The following ZNF813 variants were observed in gnomAD, a reference collection of about 807,000 sequenced individuals.
ZNF813 encodes zinc finger protein 813.
ZNF813 carries 3 observed loss-of-function variants against 7.2 expected under a neutral mutation model. The observed-to-expected ratio is 0.42, with a 90% confidence interval of 0.19 to 1.08. The LOEUF is 1.08. ZNF813 is among the 50% of genes least tolerant of loss of function. ZNF813 has a pLI of 0.30. For missense variants in ZNF813, 714 were observed against 753.3 expected (o/e 0.95, Z 0.61); for synonymous variants, 227 against 256.3 (o/e 0.89, Z 1.09).
chr19:53,492,915 ACCT>A lies in ZNF813; in HGVS notation c.*833_*835del, dbSNP rs1174383645. ...GGCAAAGCCTTTACTTCACGTTCAC[ACCT>A]CCTTAGACATCAGAGAATGCACACT... On this transcript the variant is annotated 3_prime_UTR_variant, in exon 4 of 4. Coordinates refer to ENST00000396403, the MANE Select transcript of ZNF813 (RefSeq NM_001004301.4). 2.1e-6 allele frequency: 1 copy of A among 482,874 alleles called. No individual in the cohort carries two copies. The highest frequency in any genetic ancestry group is 4.2e-6 in the Non-Finnish European group (1 of 235,314). 29.9% of individuals were successfully genotyped at this position (482,874 alleles called of 1,614,324 possible).
Position 53,479,758 on chromosome 19 carries a change from A to G in ZNF813, c.-73-3992A>G. 4 of 1,298,094 alleles carry G rather than the reference A, an allele frequency of 3.1e-6. No individual in the cohort carries two copies. The Admixed American group carries it at 6.7e-5, about 22-fold the overall frequency. 80.4% of individuals were successfully genotyped at this position (1,298,094 alleles called of 1,614,324 possible). On this transcript the variant is annotated intron_variant, in intron 1 of 3. Transcript: ENST00000396403. ...CTCGTAAGTTGGTGATCATTGAAAG[A>G]GACATGGAATGCACAGAAGAATGAG...
chr19:53,484,067 C>T (rs1406684032), intron 2 of ZNF813, among the ~76,000 whole-genome samples: 1 of 152,036 alleles, frequency 6.6e-6, no homozygotes, highest in African/African-American at 2.4e-5. Flanking sequence ...AGGGCTCACA[C>T]CCAGACATGG....
Position 53,493,362 on chromosome 19 carries a change from A to T in ZNF813, c.*1276A>T, listed in dbSNP as rs1454302015. 6.5e-6 allele frequency: 1 copy of T among 153,388 alleles called. No individual in the cohort carries two copies. The highest frequency in any genetic ancestry group is 1.9e-4 in the East Asian group (1 of 5,220). The allele number at this position is 153,388 out of a possible 1,614,324, so 9.5% of individuals were successfully genotyped here. On this transcript the variant is annotated 3_prime_UTR_variant, in exon 4 of 4. Coordinates refer to ENST00000396403, the MANE Select transcript of ZNF813 (RefSeq NM_001004301.4). ...CCATCAATATGGGTTATATGTCTGT[A>T]TATGTTTTTAATCATATTGATGTAT...
intron 3 of ZNF813, among the ~76,000 whole-genome samples, chr19:53,489,975 T>C (rs1418769232): frequency 6.6e-6 from 1 of 152,234 alleles, no homozygotes; most frequent in Non-Finnish European, 1.5e-5. Flanking sequence ...TTTACCAATA[T>C]GGTATATCAT....
intron 1 of ZNF813, chr19:53,479,686 A>C: frequency 8.6e-7 from 1 of 1,165,752 alleles, no homozygotes; most frequent in Non-Finnish European, 1.3e-6. Context: ...AACTCAAAGA[A>C]GCTAAGCACA....
chr19:53,471,588 T>A (rs1194965685), intron 1 of ZNF813, among the ~76,000 whole-genome samples: 1 of 151,860 alleles, frequency 6.6e-6, no homozygotes, highest in Non-Finnish European at 1.5e-5. Flanking sequence ...TGCGGGTGGA[T>A]CACAAGGTCA....
chr19:53,491,070 TTCAG>T lies in ZNF813; in HGVS notation c.843_846del (p.Ser281ArgfsTer115). ...CAGGTGTAATGAGTGTGGCAAGACT[TTCAG>T]TCAGACGTATTCCCTTACATGCCAT... On this transcript the variant is annotated frameshift_variant, in exon 4 of 4. Transcript: ENST00000396403. LOFTEE classifies it low-confidence loss of function (END_TRUNC). 1.2e-6 allele frequency: 2 copies of T among 1,614,148 alleles called. No homozygotes were observed. Among genetic ancestry groups the T allele is most frequent in the Non-Finnish European group, 1.7e-6 (2 of 1,180,004 alleles).
At chr19:53,479,684 G>A in intron 1 of ZNF813, 1 of 1,163,320 alleles carries the variant, frequency 8.6e-7, no homozygotes, top group Non-Finnish European at 1.3e-6. Context: ...CCAACTCAAA[G>A]AAGCTAAGCA....
At position 53,490,356 on chromosome 19, in the gene ZNF813, T is replaced by C. The variant is rs2086453225; in HGVS notation, c.143-19T>C. ...CATCTGTACTGAACTGGAAACCTATTCGTGTTTATATTTTGTAGATATCTC... is the reference window on the plus strand; with the variant it reads ...CATCTGTACTGAACTGGAAACCTATCCGTGTTTATATTTTGTAGATATCTC... On this transcript the variant is annotated intron_variant, in intron 3 of 3. Coordinates refer to ENST00000396403, the MANE Select transcript of ZNF813 (RefSeq NM_001004301.4). The C allele has an allele frequency of 1.2e-6, 2 of 1,612,756 alleles. No homozygotes were observed. Among genetic ancestry groups the C allele is most frequent in the Non-Finnish European group, 1.7e-6 (2 of 1,179,436 alleles).
chr19:53,482,312 G>A (rs1421610430), intron 1 of ZNF813, among the ~76,000 whole-genome samples: 1 of 152,090 alleles, frequency 6.6e-6, no homozygotes, highest in Non-Finnish European at 1.5e-5. Flanking sequence ...AGCAGGTCAC[G>A]TCAGTCCCTG....
intron 1 of ZNF813, among the ~76,000 whole-genome samples, chr19:53,475,320 T>C (rs2086376969): frequency 6.6e-6 from 1 of 152,194 alleles, no homozygotes; most frequent in Non-Finnish European, 1.5e-5. Context: ...ATGTTACCAC[T>C]GCATACCCGG....
rs1416075560 is a variant in ZNF813 at position 53,493,676 on chromosome 19, T to G, written c.*1590T>G. 1 of 152,252 alleles carries G rather than the reference T, an allele frequency of 6.6e-6. No homozygotes were observed. Among genetic ancestry groups the G allele is most frequent in the Non-Finnish European group, 1.5e-5 (1 of 68,040 alleles). 9.4% of individuals were successfully genotyped at this position (152,252 alleles called of 1,614,324 possible). ...AGATACACTGAATCTGTTTATTACT[T>G]CCAGTAGTATTTTGGTTGAGTCTTT... On this transcript the variant is annotated 3_prime_UTR_variant, in exon 4 of 4. Coordinates refer to ENST00000396403, the MANE Select transcript of ZNF813 (RefSeq NM_001004301.4).
intron 1 of ZNF813, among the ~76,000 whole-genome samples, chr19:53,483,285 A>G (rs143595667): frequency 0.052 from 7,956 of 152,032 alleles, 255 homozygotes; most frequent in East Asian, 0.12. Context: ...AGCTCAAGCG[A>G]TCCTCACACC....
chr19:53,492,687 A>T lies in ZNF813; in HGVS notation c.*601A>T. The T allele has an allele frequency of 1.3e-6, 1 of 781,432 alleles. No homozygotes were observed. The highest frequency in any genetic ancestry group is 2.1e-6 in the Non-Finnish European group (1 of 485,874). 48.4% of individuals were successfully genotyped at this position (781,432 alleles called of 1,614,324 possible). ...TACAACCATTGCAAATCATTGGAGA[A>T]CCCATAAGGAAGAGAGATCATACAA... On this transcript the variant is annotated 3_prime_UTR_variant, in exon 4 of 4. Transcript: ENST00000396403.
intron 1 of ZNF813, among the ~76,000 whole-genome samples, chr19:53,479,074 A>C (rs781137465): frequency 9.2e-5 from 14 of 151,990 alleles, no homozygotes; most frequent in Non-Finnish European, 1.5e-4. Context: ...ACGTGGGACT[A>C]CAGGCCCACG....
At chr19:53,474,156 T>G (rs893967621) in intron 1 of ZNF813, among the ~76,000 whole-genome samples, 3 of 152,176 alleles carry the variant, frequency 2.0e-5, no homozygotes, top group African/African-American at 7.2e-5. Context: ...TCTGTCCTGG[T>G]GGGGAAAGCT....
At chr19:53,468,930 A>C (rs901640421) in intron 1 of ZNF813, among the ~76,000 whole-genome samples, 3 of 150,752 alleles carry the variant, frequency 2.0e-5, no homozygotes, top group African/African-American at 7.3e-5. Flanking sequence ...TGGGGGATGT[A>C]AGGTCTTTCC....
chr19:53,470,184 T>TA (rs2086351240), intron 1 of ZNF813, among the ~76,000 whole-genome samples: 1 of 65,476 alleles, frequency 1.5e-5, no homozygotes, highest in Non-Finnish European at 2.9e-5. Context: ...TTTCTTTCTT[T>TA]CTTTCACTCT....
chr19:53,484,720 C>A (rs1016333615), intron 2 of ZNF813, among the ~76,000 whole-genome samples: 23 of 152,216 alleles, frequency 1.5e-4, no homozygotes, highest in East Asian at 7.7e-4. Flanking sequence ...GTGCGTCACC[C>A]CGCCCAGCTA....
Sources: allele counts gnomAD v4.1 joint callset (sites outside exome capture counted in the v4.1 genomes callset), GRCh38; gene constraint gnomAD v4.1.1; transcripts MANE v1.5; gene names NCBI Gene and HGNC (gene_info 2026-07-23, HGNC 2026-07-21).